Variants in IL1RAPL2 observed in about 807,000 individuals in gnomAD.
IL1RAPL2 encodes interleukin 1 receptor accessory protein like 2.
Under a neutral mutation model 44.1 loss-of-function variants are expected in IL1RAPL2, and 3 were observed. The observed-to-expected ratio is 0.07, with a 90% confidence interval of 0.03 to 0.18. The LOEUF (loss-of-function observed/expected upper bound fraction) is 0.18. Ranked by LOEUF, IL1RAPL2 falls within the 10% of genes least tolerant of loss-of-function variation. The pLI is 1.00. For synonymous variants in IL1RAPL2, 181 were observed against 178.8 expected, an observed-to-expected ratio of 1.01 and a Z score of -0.10; for missense variants, 391 against 496.4, an observed-to-expected ratio of 0.79 and a Z score of 2.02.
At chrX:105,493,745 C>G (rs916832519) in intron 6 of IL1RAPL2, among the ~76,000 whole-genome samples, 1 of 111,619 alleles carries the variant, frequency 9.0e-6, no homozygotes, top group Non-Finnish European at 1.9e-5. Context: ...TGTACTTCTG[C>G]TCTTTCCTAA....
intron 2 of IL1RAPL2, among the ~76,000 whole-genome samples, chrX:104,919,910 G>A (rs1303462727): frequency 9.1e-6 from 1 of 110,492 alleles, no homozygotes; most frequent in Non-Finnish European, 1.9e-5. Flanking sequence ...GACTTTACAA[G>A]GGTACAATCT....
chrX:105,132,249 T>C (rs1287362350), intron 2 of IL1RAPL2, among the ~76,000 whole-genome samples: 1 of 110,411 alleles, frequency 9.1e-6, no homozygotes, highest in African/African-American at 3.3e-5. Context: ...ACAAAGTTGA[T>C]GCTCTACCAC....
intron 1 of IL1RAPL2, among the ~76,000 whole-genome samples, chrX:104,641,207 C>G (rs1027844151): frequency 2.4e-4 from 27 of 111,810 alleles, no homozygotes; most frequent in African/African-American, 8.1e-4. Flanking sequence ...GTGGTAGTGG[C>G]TAGGAGTTTA....
chrX:105,734,108 T>C (rs2038427735), intron 7 of IL1RAPL2, among the ~76,000 whole-genome samples: 1 of 111,058 alleles, frequency 9.0e-6, no homozygotes, highest in Non-Finnish European at 1.9e-5. Context: ...GATTACTTCT[T>C]AAATAGGGCC....
At chrX:105,443,456 A>G (rs767813190) in intron 5 of IL1RAPL2, among the ~76,000 whole-genome samples, 1 of 110,640 alleles carries the variant, frequency 9.0e-6, no homozygotes, top group African/African-American at 3.3e-5. Context: ...CATCCTTTCT[A>G]TTTCTTTTAT....
chrX:105,080,840 T>C (rs777631669), intron 2 of IL1RAPL2, among the ~76,000 whole-genome samples: 1 of 112,134 alleles, frequency 8.9e-6, no homozygotes, highest in Non-Finnish European at 1.9e-5. Flanking sequence ...TGATTCTTCC[T>C]ATCCATGAGC....
chrX:105,209,437 G>A (rs1489329258), intron 3 of IL1RAPL2, among the ~76,000 whole-genome samples: 1 of 111,866 alleles, frequency 8.9e-6, no homozygotes, highest in African/African-American at 3.3e-5. Flanking sequence ...CAAGCCCAGA[G>A]AGGACCATTA....
chrX:105,648,587 C>T (rs2037622657), intron 6 of IL1RAPL2, among the ~76,000 whole-genome samples: 2 of 111,460 alleles, frequency 1.8e-5, no homozygotes, highest in South Asian at 7.7e-4. Flanking sequence ...GTGCTTTCTT[C>T]ACAAAAATAG....
intron 2 of IL1RAPL2, among the ~76,000 whole-genome samples, chrX:105,067,317 T>G (rs2032150375): frequency 9.0e-6 from 1 of 110,984 alleles, no homozygotes. Context: ...TGCTGGAGGC[T>G]TGGATTCAGT....
chrX:105,692,070 G>A (rs888967274), intron 6 of IL1RAPL2, among the ~76,000 whole-genome samples: 1 of 111,300 alleles, frequency 9.0e-6, no homozygotes, highest in South Asian at 3.7e-4. Flanking sequence ...GAGTTTTATT[G>A]GGAATATTTC....
intron 6 of IL1RAPL2, among the ~76,000 whole-genome samples, chrX:105,669,401 C>T (rs1340636461): frequency 6.3e-5 from 7 of 111,106 alleles, no homozygotes; most frequent in Admixed American, 9.6e-5. Flanking sequence ...CTGGCTTGTC[C>T]CACCCACAAT....
chrX:105,679,035 T>G, intron 6 of IL1RAPL2, among the ~76,000 whole-genome samples: 1 of 109,791 alleles, frequency 9.1e-6, no homozygotes, highest in Admixed American at 9.7e-5. Flanking sequence ...TCTTTTTTTT[T>G]TTTTTTTACT....
chrX:105,036,489 C>T (rs2031631106), intron 2 of IL1RAPL2, among the ~76,000 whole-genome samples: 1 of 111,922 alleles, frequency 8.9e-6, no homozygotes, highest in Non-Finnish European at 1.9e-5. Flanking sequence ...AGAAGCCAAA[C>T]ATATACCACA....
intron 5 of IL1RAPL2, among the ~76,000 whole-genome samples, chrX:105,376,994 A>G (rs1020609884): frequency 3.6e-5 from 4 of 112,330 alleles, no homozygotes; most frequent in African/African-American, 1.3e-4. Context: ...CAGCATAAAC[A>G]TTGCAGGTAA....
intron 2 of IL1RAPL2, among the ~76,000 whole-genome samples, chrX:104,733,204 G>A (rs1931953720): frequency 9.0e-6 from 1 of 111,484 alleles, no homozygotes; most frequent in Admixed American, 9.6e-5. Context: ...TAAGCAACAG[G>A]AAATAAGAAT....
intron 6 of IL1RAPL2, among the ~76,000 whole-genome samples, chrX:105,688,158 G>C (rs1427046899): frequency 1.8e-5 from 2 of 111,501 alleles, no homozygotes; most frequent in African/African-American, 6.5e-5. Flanking sequence ...TTGAAAACCG[G>C]CACAAGACAA....
intron 2 of IL1RAPL2, among the ~76,000 whole-genome samples, chrX:105,117,014 A>C (rs901492021): frequency 3.6e-5 from 4 of 112,343 alleles, no homozygotes; most frequent in African/African-American, 1.3e-4. Context: ...TTGAAATATT[A>C]TTTGCCACCA....
At chrX:105,591,825 T>G (rs186243307) in intron 6 of IL1RAPL2, among the ~76,000 whole-genome samples, 23 of 111,800 alleles carry the variant, frequency 2.1e-4, no homozygotes, top group African/African-American at 7.1e-4. Flanking sequence ...TGAGAATTTT[T>G]TATGGCCATT....
chrX:104,659,659 A>T (rs746937017), intron 2 of IL1RAPL2, among the ~76,000 whole-genome samples: 1 of 112,141 alleles, frequency 8.9e-6, no homozygotes, highest in Non-Finnish European at 1.9e-5. Flanking sequence ...GTAATTACAA[A>T]CTTTGCATGA....
Sources: allele counts gnomAD v4.1 joint callset (sites outside exome capture counted in the v4.1 genomes callset), GRCh38; gene constraint gnomAD v4.1.1; transcripts MANE v1.5; gene names NCBI Gene and HGNC (gene_info 2026-07-23, HGNC 2026-07-21).